The following GRIK2 variants were observed in gnomAD, a reference collection of about 807,000 sequenced individuals.
GRIK2 encodes the protein glutamate receptor ionotropic, kainate 2.
GRIK2 carries 32 observed loss-of-function variants against 100.3 expected under a neutral mutation model. The ratio of observed to expected loss-of-function variants is 0.32; its 90% CI spans 0.24 to 0.43. The LOEUF is 0.43. GRIK2 is among the 20% of genes least tolerant of loss of function. GRIK2 has a pLI of 1.00. For missense variants in GRIK2, 843 were observed against 1,114.9 expected, an observed-to-expected ratio of 0.76 and a Z score of 3.47; for synonymous variants, 417 against 389.4, an observed-to-expected ratio of 1.07 and a Z score of -0.83.
In GRIK2 at chr6:101,394,159, G is replaced by A. The variant is rs561685007; in HGVS notation, c.-294+322G>A. ...TGGCCTCAGCTACGGGGACTCACGC[G>A]AGGCGAAGAGAATGAGACAGATGGC... On this transcript the variant is annotated intron_variant, in intron 1 of 16. Coordinates refer to ENST00000369134, the MANE Select transcript of GRIK2 (RefSeq NM_021956.5). Among the ~76,000 whole-genome samples the A allele has an allele frequency of 5.3e-5, 8 of 152,296 alleles. No individual in the cohort carries two copies. In the South Asian group the frequency reaches 1.7e-3, roughly 32 times the overall value.
intron 15 of GRIK2, among the ~76,000 whole-genome samples, chr6:102,045,370 T>TTCTC (rs1407701362): frequency 2.6e-5 from 4 of 152,120 alleles, no homozygotes; most frequent in Non-Finnish European, 4.4e-5. Flanking sequence ...TTTTTCTTAC[T>TTCTC]TCTCTCTCTT....
intron 7 of GRIK2, among the ~76,000 whole-genome samples, chr6:101,734,972 A>T (rs1027220906): frequency 2.0e-5 from 3 of 152,024 alleles, no homozygotes; most frequent in Non-Finnish European, 4.4e-5. Context: ...ATAGTGAGAG[A>T]TTGATTTGAT....
chr6:101,651,164 C>T (rs909410195), intron 4 of GRIK2, among the ~76,000 whole-genome samples: 22 of 152,042 alleles, frequency 1.4e-4, no homozygotes, highest in Non-Finnish European at 2.5e-4. Context: ...TCAAATTGAG[C>T]CCAGTCTTCT....
intron 2 of GRIK2, among the ~76,000 whole-genome samples, chr6:101,555,913 G>A (rs1418056073): frequency 1.3e-5 from 2 of 151,886 alleles, no homozygotes; most frequent in Non-Finnish European, 2.9e-5. Flanking sequence ...ATTAATATAA[G>A]AAAGAAAACC....
At chr6:101,544,013 T>A (rs1032939347) in intron 2 of GRIK2, among the ~76,000 whole-genome samples, 2 of 152,072 alleles carry the variant, frequency 1.3e-5, no homozygotes, top group Non-Finnish European at 2.9e-5. Flanking sequence ...TGAGCATATG[T>A]CAAGAACACA....
At chr6:101,704,947 A>G (rs897439060) in intron 7 of GRIK2, among the ~76,000 whole-genome samples, 1 of 146,858 alleles carries the variant, frequency 6.8e-6, no homozygotes, top group African/African-American at 2.5e-5. Flanking sequence ...ATGTATCTAT[A>G]TCCACATTTC....
intron 10 of GRIK2, among the ~76,000 whole-genome samples, chr6:101,824,319 T>C (rs986456964): frequency 5.3e-5 from 8 of 152,162 alleles, no homozygotes; most frequent in Admixed American, 2.0e-4. Flanking sequence ...CCAAATTCCA[T>C]TGTATCATTC....
At chr6:101,803,612 G>T (rs1275413026) in intron 9 of GRIK2, among the ~76,000 whole-genome samples, 1 of 151,880 alleles carries the variant, frequency 6.6e-6, no homozygotes, top group Non-Finnish European at 1.5e-5. Flanking sequence ...GTAGAATTCA[G>T]TAAGCTCGTG....
At position 102,035,231 on chromosome 6, in the gene GRIK2, T is replaced by C. The variant is rs920389981; in HGVS notation, c.2086-110T>C. 24 of 427,154 alleles carry C rather than the reference T, an allele frequency of 5.6e-5. No homozygotes were observed. In the East Asian group the frequency reaches 7.5e-4, roughly 13 times the overall value. 26.5% of individuals were successfully genotyped at this position (427,154 alleles called of 1,614,324 possible). A position where few individuals can be genotyped will look rare whatever the true frequency, so the allele number is the denominator to read the frequency against. On this transcript the variant is annotated intron_variant, in intron 14 of 16. Coordinates refer to ENST00000369134, the MANE Select transcript of GRIK2 (RefSeq NM_021956.5). ...TATATATATTCCTTAAAAATTATAT[T>C]AAGATGGTACAAGTAAAGTAAATGT...
chr6:101,621,231 T>C (rs887492900), intron 2 of GRIK2, among the ~76,000 whole-genome samples: 10 of 152,276 alleles, frequency 6.6e-5, no homozygotes, highest in African/African-American at 2.4e-4. Context: ...GGCAGGCAGA[T>C]GGCTTGAGCC....
chr6:101,874,562 A>T (rs2128450035), intron 11 of GRIK2, among the ~76,000 whole-genome samples: 1 of 152,146 alleles, frequency 6.6e-6, no homozygotes, highest in Non-Finnish European at 1.5e-5. Flanking sequence ...TTGGCTTAGG[A>T]TTGTCTTGGC....
chr6:101,730,974 AAG>A (rs1215740680), intron 7 of GRIK2, among the ~76,000 whole-genome samples: 2 of 151,984 alleles, frequency 1.3e-5, no homozygotes, highest in African/African-American at 4.8e-5. Flanking sequence ...TTAGTCGTCA[AAG>A]TGATATCAAA....
chr6:101,667,434 C>T (rs1459087528), intron 4 of GRIK2, among the ~76,000 whole-genome samples: 20 of 152,162 alleles, frequency 1.3e-4, no homozygotes, highest in Admixed American at 1.3e-3. Flanking sequence ...AGTGTGTACA[C>T]ACATACACAT....
intron 4 of GRIK2, among the ~76,000 whole-genome samples, chr6:101,660,196 G>C (rs1342899199): frequency 6.6e-6 from 1 of 151,442 alleles, no homozygotes; most frequent in Non-Finnish European, 1.5e-5. Flanking sequence ...CTCTAATCTT[G>C]TCTTCACATT....
At chr6:101,614,281 C>A (rs1582827979) in intron 2 of GRIK2, among the ~76,000 whole-genome samples, 2 of 151,632 alleles carry the variant, frequency 1.3e-5, no homozygotes, top group East Asian at 1.9e-4. Context: ...TCTTCTTGTC[C>A]ATTTTCTTTT....
chr6:102,059,797 T>A (rs988770411), intron 16 of GRIK2, among the ~76,000 whole-genome samples: 3 of 150,776 alleles, frequency 2.0e-5, no homozygotes, highest in African/African-American at 7.3e-5. Flanking sequence ...ATAACTTCTA[T>A]AGTTTGATCT....
At chr6:101,655,172 C>T (rs2128330514) in intron 4 of GRIK2, among the ~76,000 whole-genome samples, 1 of 152,152 alleles carries the variant, frequency 6.6e-6, no homozygotes, top group East Asian at 1.9e-4. Flanking sequence ...AGGTTTCCTC[C>T]AACTGTCTAG....
intron 9 of GRIK2, among the ~76,000 whole-genome samples, chr6:101,804,566 G>GT (rs1780869938): frequency 6.6e-6 from 1 of 151,980 alleles, no homozygotes; most frequent in Non-Finnish European, 1.5e-5. Context: ...TTTGGACTAT[G>GT]TTTTTAAGGA....
chr6:101,913,221 G>T (rs1788871564), intron 12 of GRIK2, among the ~76,000 whole-genome samples: 1 of 151,516 alleles, frequency 6.6e-6, no homozygotes, highest in African/African-American at 2.4e-5. Flanking sequence ...CGGAAGAACA[G>T]ATACATTTTA....
Sources: allele counts gnomAD v4.1 joint callset (sites outside exome capture counted in the v4.1 genomes callset), GRCh38; gene constraint gnomAD v4.1.1; transcripts MANE v1.5; gene names NCBI Gene and HGNC (gene_info 2026-07-23, HGNC 2026-07-21).